The following MFN2 variants were observed in gnomAD, a reference collection of about 807,000 sequenced individuals.
MFN2 encodes mitofusin-2.
MFN2 carries 43 observed loss-of-function variants against 87.5 expected under a neutral mutation model. That is an observed-to-expected ratio of 0.49 (90% CI 0.38 to 0.63). The LOEUF is 0.63. Ranked by LOEUF, MFN2 falls within the 30% of genes least tolerant of loss-of-function variation. The pLI is 0.00. For missense variants in MFN2, 743 were observed against 972.8 expected (o/e 0.76, Z 3.14); for synonymous variants, 337 against 359.9 (o/e 0.94, Z 0.72).
In MFN2 at chr1:12,011,695, C is replaced by A; in HGVS notation, c.*130C>A. The A allele has an allele frequency of 2.1e-6, 2 of 965,612 alleles. No individual in the cohort carries two copies. Among genetic ancestry groups the A allele is most frequent in the Non-Finnish European group, 3.2e-6 (2 of 616,476 alleles). 59.8% of individuals were successfully genotyped at this position (965,612 alleles called of 1,614,324 possible). On this transcript the variant is annotated 3_prime_UTR_variant, in exon 19 of 19. Transcript: ENST00000235329. The stretch of plus-strand genomic sequence containing the variant: ...GCCAAGAGAATGAAGCACCCAGTCT[C>A]GTACCATTTTGAGCCCTCCAGCACT...
rs1410191939 is a variant in MFN2, at chr1:12,012,829, GT to G, written c.*1265del. 6.5e-6 allele frequency: 1 copy of G among 152,926 alleles called. No individual in the cohort carries two copies. Among genetic ancestry groups the G allele is most frequent in the African/African-American group, 2.4e-5 (1 of 41,466 alleles). The allele number at this position is 152,926 out of a possible 1,614,324, so 9.5% of individuals were successfully genotyped here. A position where few individuals can be genotyped will look rare whatever the true frequency, so the allele number is the denominator to read the frequency against. On this transcript the variant is annotated 3_prime_UTR_variant, in exon 19 of 19. Transcript: ENST00000235329. ...TGACTGTGTGAGAAAAGCAGTTTGG[GT>G]GACAAATCCTGTGTGGCACAAGTTG...
intron 10 of MFN2, 21 bp from the exon 11 acceptor site, chr1:12,001,961 C>T: frequency 6.2e-7 from 1 of 1,614,200 alleles, no homozygotes; most frequent in Non-Finnish European, 8.5e-7. Context: ...CCACCTCCCT[C>T]CGTGCCTCTG....
Position 11,999,098 on chromosome 1 carries a change from T to C in MFN2, c.816+3T>C. 1.2e-6 allele frequency: 2 copies of C among 1,614,028 alleles called. No individual in the cohort carries two copies. Among genetic ancestry groups the C allele is most frequent in the South Asian group, 2.2e-5 (2 of 91,090 alleles). On this transcript the variant is annotated splice_donor_region_variant and intron_variant, in intron 8 of 18. Coordinates refer to ENST00000235329, the MANE Select transcript of MFN2 (RefSeq NM_014874.4). Reference sequence around the variant, plus strand: ...CAGAGCCCGAGTACATGGAGGAGGTTCGTGCTTCTGTTTGGCAGTTTGGGG... The same window carrying C: ...CAGAGCCCGAGTACATGGAGGAGGTCCGTGCTTCTGTTTGGCAGTTTGGGG...
In MFN2 at chr1:12,001,466, A is replaced by T; in HGVS notation, c.882A>T (p.Arg294=). Residue 294 remains arginine (R), a synonymous_variant, in exon 9 of 19, where the codon CGA becomes CGT. Coordinates refer to ENST00000235329, the MANE Select transcript of MFN2 (RefSeq NM_014874.4). ...TGGATGAGCTGGGCGTGGTGGATCG[A>T]TCCCAGGCCGGGGACCGCATCTTCT... is the stretch of plus-strand genomic sequence containing the variant. The part of the protein sequence containing the change: ...FLVDELGVVD[R]SQAGDRIFFV... 1 of 1,614,080 alleles carries T rather than the reference A, an allele frequency of 6.2e-7. No individual in the cohort carries two copies. Among genetic ancestry groups the T allele is most frequent in the Non-Finnish European group, 8.5e-7 (1 of 1,179,998 alleles).
intron 1 of MFN2, among the ~76,000 whole-genome samples, chr1:11,981,454 C>T (rs1645983105): frequency 6.6e-6 from 1 of 152,214 alleles, no homozygotes. Flanking sequence ...GCCGAGATCG[C>T]GCTGCTGCAC....
In MFN2 at chr1:12,003,427, G is replaced by A. The variant is rs1191331817; in HGVS notation, c.1161-565G>A. Among the ~76,000 whole-genome samples the A allele has an allele frequency of 6.6e-6, 1 of 152,226 alleles. No individual in the cohort carries two copies. The highest frequency in any genetic ancestry group is 2.4e-5 in the African/African-American group (1 of 41,462). ...CGCCTGTAATCCCAACACTTTGGGA[G>A]GCCAAGGCGGATGGATCACCTGAGG... On this transcript the variant is annotated intron_variant, in intron 11 of 18. Transcript: ENST00000235329. This position sits in a 1 kb window ranked among gnomAD's most constrained non-coding sequence, Gnocchi z 4.1.
intron 4 of MFN2, 141 bp from the exon 5 acceptor site, chr1:11,996,015 A>C: frequency 9.8e-7 from 1 of 1,017,594 alleles, no homozygotes; most frequent in Non-Finnish European, 1.5e-6. Context: ...AACAGTGCCT[A>C]CTCTTTGTCT....
rs1167046068 is a variant in MFN2 at position 11,995,638 on chromosome 1, A to G, written c.312-518A>G. On this transcript the variant is annotated intron_variant, in intron 4 of 18. Transcript: ENST00000235329. ...ACAGAGTGAGACTCTGTCTCAAATA[A>G]CAATAAAAAAAAAAAGAATGAGAAA... is the stretch of plus-strand genomic sequence containing the variant. Among the ~76,000 whole-genome samples, 18 of 151,622 alleles carry G rather than the reference A, an allele frequency of 1.2e-4. No homozygotes were observed. The East Asian group carries it at 3.5e-3, about 29-fold the overall frequency.
Position 12,001,441 on chromosome 1 carries a change from T to C in MFN2, c.857T>C (p.Val286Ala), listed in dbSNP as rs765825496. ...ATGGAGCGTTGTACCAGCTTCCTGG[T>C]GGATGAGCTGGGCGTGGTGGATCGA... ...QHMERCTSFL[V>A]DELGVVDRSQ... The change falls in exon 9 of 19, where the codon GTG becomes GCG. Residue 286 changes from valine (V) to alanine (A), a missense_variant. Transcript: ENST00000235329. The C allele has an allele frequency of 1.4e-5, 22 of 1,613,770 alleles. No individual in the cohort carries two copies. The African/African-American group carries it at 2.5e-4, about 19-fold the overall frequency.
chr1:11,995,298 A>C (rs979113280), intron 4 of MFN2, among the ~76,000 whole-genome samples: 2 of 151,944 alleles, frequency 1.3e-5, no homozygotes, highest in East Asian at 1.9e-4. Context: ...ACAACAACAA[A>C]AAACCCCACC....
In MFN2 at chr1:11,998,549, AAAAAC is replaced by A. The variant is rs55676620; in HGVS notation, c.600-199_600-195del. On this transcript the variant is annotated intron_variant, in intron 6 of 18. Coordinates refer to ENST00000235329, the MANE Select transcript of MFN2 (RefSeq NM_014874.4). ...GGCGACAGAGCAAGACTCTATATCC[AAAAAC>A]AAAACAAAACAAAACAAAACACTCA... is the stretch of plus-strand genomic sequence containing the variant. 0.65 allele frequency among the ~76,000 whole-genome samples: 98,456 copies of A among 150,496 alleles called. 32,528 individuals are homozygous for A. Among genetic ancestry groups the A allele is most frequent in the South Asian group, 0.72 (3,430 of 4,778 alleles).
chr1:11,983,015 A>G (rs1176341498), intron 2 of MFN2, among the ~76,000 whole-genome samples: 1 of 152,136 alleles, frequency 6.6e-6, no homozygotes, highest in East Asian at 1.9e-4. Context: ...CACGTGCTCC[A>G]CTGAGGAAAA....
At position 11,998,988 on chromosome 1, in the gene MFN2, G is replaced by C; in HGVS notation, c.709G>C (p.Glu237Gln). 6.2e-7 allele frequency: 1 copy of C among 1,614,164 alleles called. No homozygotes were observed. The highest frequency in any genetic ancestry group is 8.5e-7 in the Non-Finnish European group (1 of 1,180,022). Residue 237 changes from glutamate (E) to glutamine (Q), a missense_variant and splice_region_variant, in exon 8 of 19, where the codon GAA becomes CAA. Glu to Gln is a conservative substitution (Grantham distance 29). This residue lies in a region of MFN2 where 141 missense variants were observed against 278.9 expected (regional missense o/e 0.51). Coordinates refer to ENST00000235329, the MANE Select transcript of MFN2 (RefSeq NM_014874.4). ...ANSESTLMQT[E>Q]KHFFHKVSER... ...CACCGAGGTCTTACCCTTTATCTAG[G>C]AAAAGCACTTCTTCCACAAGGTGAG... is the stretch of plus-strand genomic sequence containing the variant.
chr1:11,992,474 C>T (rs1638729360), intron 3 of MFN2, 81 bp from the exon 4 acceptor site: 1 of 1,577,496 alleles, frequency 6.3e-7, no homozygotes. Context: ...GTAAGCAGGG[C>T]CGGCGCTCTG....
chr1:11,999,861 G>A (rs1027619575), intron 8 of MFN2, among the ~76,000 whole-genome samples: 3 of 151,848 alleles, frequency 2.0e-5, no homozygotes, highest in East Asian at 2.0e-4. Flanking sequence ...TTGGGAGGCC[G>A]ATGTGGGCGG....
intron 3 of MFN2, 37 bp from the exon 4 acceptor site, chr1:11,992,518 G>C: frequency 6.2e-7 from 1 of 1,613,930 alleles, no homozygotes; most frequent in Non-Finnish European, 8.5e-7. Context: ...GAACTCCTCT[G>C]ACCACGTGGT....
chr1:12,000,098 C>CA (rs79267704), intron 8 of MFN2, among the ~76,000 whole-genome samples: 98,213 of 151,384 alleles, frequency 0.65, 32,201 homozygotes, highest in South Asian at 0.71. Context: ...TTCCGTCTCA[C>CA]AAAAAATAAT....
At chr1:11,988,746 G>A (rs1325826293) in intron 2 of MFN2, among the ~76,000 whole-genome samples, 1 of 152,046 alleles carries the variant, frequency 6.6e-6, no homozygotes, top group Non-Finnish European at 1.5e-5. Context: ...TGTCACCCAG[G>A]CTGGAGTACA....
In MFN2 at chr1:12,004,510, T is replaced by C; in HGVS notation, c.1289T>C (p.Val430Ala). The change falls in exon 13 of 19, where the codon GTG becomes GCG. Residue 430 changes from valine to alanine, a missense_variant and splice_region_variant. Coordinates refer to ENST00000235329, the MANE Select transcript of MFN2 (RefSeq NM_014874.4). The surrounding 1 kb of genome is among the most constrained non-coding windows in gnomAD (Gnocchi z 4.2). ...KQITEEVERQVSTAMAEEIRR... is the reference protein window; with the variant it reads ...KQITEEVERQASTAMAEEIRR... ...ACAGTGTGCTTCCTTTTGCTGTAGG[T>C]GTCGACTGCAATGGCCGAGGAGATC... The C allele has an allele frequency of 6.2e-7, 1 of 1,613,962 alleles. No individual in the cohort carries two copies. Among genetic ancestry groups the C allele is most frequent in the Non-Finnish European group, 8.5e-7 (1 of 1,179,824 alleles).
Sources: allele counts gnomAD v4.1 joint callset (sites outside exome capture counted in the v4.1 genomes callset), GRCh38; gene constraint gnomAD v4.1.1; regional missense constraint gnomAD v4.1.1; non-coding constraint Gnocchi (gnomAD v3.1); transcripts MANE v1.5; gene names NCBI Gene and HGNC (gene_info 2026-07-23, HGNC 2026-07-21).